The following EHMT1 variants were observed in gnomAD, a reference collection of about 807,000 sequenced individuals.
The protein encoded by EHMT1 is histone-lysine N-methyltransferase EHMT1.
In EHMT1, 15 loss-of-function variants were observed where a neutral mutation model predicts 147.2. The observed-to-expected ratio is 0.10, with a 90% CI of 0.07 to 0.16. The LOEUF (loss-of-function observed/expected upper bound fraction) is 0.16. Among genes scored for constraint, EHMT1 ranks in the 10% least tolerant of loss-of-function variants. EHMT1 has a pLI of 1.00. For missense variants in EHMT1, 1,587 were observed against 1,772.4 expected, an observed-to-expected ratio of 0.90 and a Z score of 1.88; for synonymous variants, 795 against 709.6, an observed-to-expected ratio of 1.12 and a Z score of -1.91.
chr9:137,762,931 G>A (rs1458338458), intron 10 of EHMT1, 111 bp downstream of exon 10: 3 of 1,463,822 alleles, frequency 2.0e-6, no homozygotes, highest in East Asian at 2.3e-5. Flanking sequence ...GACCAGGGCG[G>A]GAGCCTGAGT....
chr9:137,820,747 G>A (rs1040478176), intron 25 of EHMT1, among the ~76,000 whole-genome samples: 1 of 152,362 alleles, frequency 6.6e-6, no homozygotes, highest in East Asian at 1.9e-4. Context: ...AGTCAGCAGT[G>A]TGGCTCTTGT....
At chr9:137,646,598 C>T (rs973772710) in intron 1 of EHMT1, among the ~76,000 whole-genome samples, 1 of 149,036 alleles carries the variant, frequency 6.7e-6, no homozygotes, top group Admixed American at 6.8e-5. Context: ...GGGGGAGGCC[C>T]ACGTGCATGT....
At position 137,699,366 on chromosome 9, in the gene EHMT1, G is replaced by A. The variant is rs180907078; in HGVS notation, c.22-11601G>A. Among the ~76,000 whole-genome samples, 26 of 152,194 alleles carry A rather than the reference G, an allele frequency of 1.7e-4. 1 individual carries two copies. Among genetic ancestry groups the A allele is most frequent in the African/African-American group, 6.0e-4 (25 of 41,530 alleles). ...ATGTTGTCCTGTCAGCCACAAGAAGGAAATTAATTCAGTTAAAAATGTTGG... is the reference window on the plus strand; with the variant it reads ...ATGTTGTCCTGTCAGCCACAAGAAGAAAATTAATTCAGTTAAAAATGTTGG... On this transcript the variant is annotated intron_variant, in intron 1 of 26. Transcript: ENST00000460843.
rs771246122 is a variant in EHMT1 at position 137,779,614 on chromosome 9, G to T, written c.2193-21G>T. 33 of 1,613,476 alleles carry T rather than the reference G, an allele frequency of 2.0e-5. No homozygotes were observed. The South Asian group carries it at 3.3e-4, about 16-fold the overall frequency. The stretch of plus-strand genomic sequence containing the variant: ...TGGGATGCAGAGCCCCATGCTGACT[G>T]TTGTCTTGTGCTTCCCACAGACCCA... On this transcript the variant is annotated intron_variant, in intron 13 of 26. Coordinates refer to ENST00000460843, the MANE Select transcript of EHMT1 (RefSeq NM_024757.5).
chr9:137,752,683 CAGAG>C (rs1949064936), intron 7 of EHMT1, among the ~76,000 whole-genome samples: 1 of 152,144 alleles, frequency 6.6e-6, no homozygotes, highest in African/African-American at 2.4e-5. Context: ...TGGAGGTTCT[CAGAG>C]GGAGAGGGTG....
intron 1 of EHMT1, among the ~76,000 whole-genome samples, chr9:137,619,386 G>A (rs553944537): frequency 5.7e-4 from 87 of 151,876 alleles, no homozygotes; most frequent in Middle Eastern, 3.4e-3. Context: ...CCCGCAAGCC[G>A]GATCTGCGGG....
rs1951634939 is a variant in EHMT1 at position 137,782,475 on chromosome 9, C to T, written c.2382+78C>T. 11 of 1,370,604 alleles carry T rather than the reference C, an allele frequency of 8.0e-6. No homozygotes were observed. The highest frequency in any genetic ancestry group is 4.3e-5 in the African/African-American group (3 of 69,584). 84.9% of individuals were successfully genotyped at this position (1,370,604 alleles called of 1,614,324 possible). On this transcript the variant is annotated intron_variant, in intron 15 of 26. Transcript: ENST00000460843. The surrounding 1 kb of genome is among the most constrained non-coding windows in gnomAD (Gnocchi z 5.7). ...TACCAAAGTAAAATCATACCACGTT[C>T]GCGGTTCTTCCAGTGTAAGAGTTCC...
chr9:137,829,616 G>T (rs1430792680), intron 25 of EHMT1, among the ~76,000 whole-genome samples: 1 of 152,192 alleles, frequency 6.6e-6, no homozygotes, highest in Non-Finnish European at 1.5e-5. Context: ...AGTCAGCTGG[G>T]GCTGTCCCTT....
Position 137,728,309 on chromosome 9 carries a change from G to C in EHMT1, c.643-40G>C, listed in dbSNP as rs899459622. On this transcript the variant is annotated intron_variant, in intron 3 of 26. Transcript: ENST00000460843. Reference sequence around the variant, plus strand: ...TTGCATGTTATTTCAGTGACCACCTGCTTATGCAGTTATAGTTATTCACTG... The same window carrying C: ...TTGCATGTTATTTCAGTGACCACCTCCTTATGCAGTTATAGTTATTCACTG... 2.5e-6 allele frequency: 4 copies of C among 1,613,640 alleles called. No individual in the cohort carries two copies. The African/African-American group carries it at 5.3e-5, about 22-fold the overall frequency.
At chr9:137,805,283 ATGAGTCAGTCATCTGCATGTCTG>A (rs1432383012) in intron 18 of EHMT1, among the ~76,000 whole-genome samples, 1 of 151,928 alleles carries the variant, frequency 6.6e-6, no homozygotes, top group East Asian at 1.9e-4. Flanking sequence ...ATCTGCATGT[ATGAGTCAGTCATCTGCATGTCTG>A]TGAGTCTGTC....
intron 1 of EHMT1, among the ~76,000 whole-genome samples, chr9:137,669,436 G>GCATGTGCACTCACCGACTCCACCCAAGA (rs1564562922): frequency 5.8e-4 from 2 of 3,420 alleles, no homozygotes; most frequent in Non-Finnish European, 1.3e-3. Context: ...CCAAGACGCC[G>GCATGTGCACTCACCGACTCCACCCAAGA]CCCACAGCAC....
intron 1 of EHMT1, among the ~76,000 whole-genome samples, chr9:137,650,134 T>G (rs185534589): frequency 4.7e-4 from 71 of 152,252 alleles, no homozygotes; most frequent in Middle Eastern, 3.4e-3. Flanking sequence ...GGTCTCACCC[T>G]GTCACCCAGG....
Position 137,782,197 on chromosome 9 carries a change from G to A in EHMT1, c.2276-94G>A. The A allele has an allele frequency of 8.3e-7, 1 of 1,211,788 alleles. No individual in the cohort carries two copies. The highest frequency in any genetic ancestry group is 2.0e-5 in the Admixed American group (1 of 50,680). The allele number at this position is 1,211,788 out of a possible 1,614,324, so 75.1% of individuals were successfully genotyped here. On this transcript the variant is annotated intron_variant, in intron 14 of 26. Transcript: ENST00000460843. The surrounding 1 kb of genome is among the most constrained non-coding windows in gnomAD (Gnocchi z 5.7). ...GAGGTGGCTGTTTATGTGGAGGATG[G>A]TCATTTGTGAGTGCTTGCCAGCCAT... is the stretch of plus-strand genomic sequence containing the variant.
At chr9:137,809,835 G>T (rs1954270710) in intron 18 of EHMT1, among the ~76,000 whole-genome samples, 1 of 152,142 alleles carries the variant, frequency 6.6e-6, no homozygotes, top group African/African-American at 2.4e-5. Flanking sequence ...TGTGGGGGAA[G>T]GGTCCGGAGG....
chr9:137,729,416 G>A (rs894732626), intron 4 of EHMT1, among the ~76,000 whole-genome samples: 12 of 152,048 alleles, frequency 7.9e-5, no homozygotes, highest in African/African-American at 1.2e-4. Context: ...GTGAAACCCC[G>A]TCTATACTAA....
intron 1 of EHMT1, chr9:137,666,906 T>C (rs1201817069): frequency 6.6e-6 from 1 of 152,214 alleles, no homozygotes; most frequent in Admixed American, 6.5e-5. Context: ...AATTAATTAA[T>C]TAATTGTAAA....
intron 18 of EHMT1, among the ~76,000 whole-genome samples, chr9:137,803,829 T>G (rs535455221): frequency 6.9e-6 from 1 of 145,338 alleles, no homozygotes; most frequent in South Asian, 2.2e-4. Flanking sequence ...CCAGCCTGTC[T>G]CAAAAATTAA....
At chr9:137,653,276 C>T (rs182576452) in intron 1 of EHMT1, among the ~76,000 whole-genome samples, 21 of 152,234 alleles carry the variant, frequency 1.4e-4, no homozygotes, top group Admixed American at 4.6e-4. Flanking sequence ...ATATTCCTGT[C>T]GCCTGCAGTA....
intron 18 of EHMT1, among the ~76,000 whole-genome samples, chr9:137,803,743 C>T (rs1953693941): frequency 2.6e-5 from 4 of 151,418 alleles, no homozygotes; most frequent in Admixed American, 6.6e-5. Context: ...CCCAGGTACT[C>T]GGGAGGCTAA....
Sources: allele counts gnomAD v4.1 joint callset (sites outside exome capture counted in the v4.1 genomes callset), GRCh38; gene constraint gnomAD v4.1.1; non-coding constraint Gnocchi (gnomAD v3.1); transcripts MANE v1.5; gene names NCBI Gene and HGNC (gene_info 2026-07-23, HGNC 2026-07-21).